Variants in NRG1 observed in about 807,000 individuals in gnomAD.
NRG1 encodes the protein neuregulin 1, also known as pro-neuregulin-1, membrane-bound isoform.
A neutral mutation model predicts 63.8 loss-of-function variants in NRG1; 18 were observed. The observed-to-expected ratio is 0.28, with a 90% CI of 0.19 to 0.42. The LOEUF (loss-of-function observed/expected upper bound fraction) is 0.42, where lower values mean the gene tolerates loss of function less well. Ranked by LOEUF, NRG1 falls within the 10% of genes least tolerant of loss-of-function variation. The pLI, the probability that NRG1 is intolerant of heterozygous loss-of-function variation, is 1.00. For missense variants in NRG1, 762 were observed against 814.7 expected (o/e 0.94, Z 0.79); for synonymous variants, 302 against 301.3 (o/e 1.00, Z -0.02).
At chr8:32,773,817 A>G (rs935124920) in intron 7 of NRG1, among the ~76,000 whole-genome samples, 2 of 152,042 alleles carry the variant, frequency 1.3e-5, no homozygotes, top group Admixed American at 6.6e-5. Flanking sequence ...GAGGCCCTTC[A>G]CAATCTGGCT....
At position 32,476,323 on chromosome 8, in the gene NRG1, A is replaced by G. The variant is rs113799204; in HGVS notation, c.38-119505A>G. On this transcript the variant is annotated intron_variant, in intron 1 of 10. Transcript: ENST00000519301. ...AGGGATGATTCATTCTTCAGGGGCT[A>G]TCCCTCGTGATCCTATTTCCTTGCA... is the stretch of plus-strand genomic sequence containing the variant. Among the ~76,000 whole-genome samples, 153 of 148,462 alleles carry G rather than the reference A, an allele frequency of 1.0e-3. 1 individual carries two copies. The highest frequency in any genetic ancestry group is 3.3e-3 in the Admixed American group (50 of 15,132).
chr8:32,398,207 TAAAAA>T (rs34669986), intron 1 of NRG1, among the ~76,000 whole-genome samples: 1 of 151,618 alleles, frequency 6.6e-6, no homozygotes, highest in Non-Finnish European at 1.5e-5. Flanking sequence ...CCAGCAAAAA[TAAAAA>T]AAGAAAAGTC....
intron 1 of NRG1, among the ~76,000 whole-genome samples, chr8:31,765,400 C>T (rs1212245322): frequency 2.0e-5 from 3 of 152,068 alleles, no homozygotes; most frequent in African/African-American, 7.2e-5. Context: ...GAAATGCTTG[C>T]CTTGTTTCTG....
At chr8:31,751,743 A>T (rs760816724) in intron 1 of NRG1, among the ~76,000 whole-genome samples, 9 of 151,846 alleles carry the variant, frequency 5.9e-5, no homozygotes, top group Non-Finnish European at 1.3e-4. Context: ...AGAGATAGAG[A>T]GTTTGGGGAC....
At chr8:31,884,888 A>G (rs1444558557) in intron 1 of NRG1, among the ~76,000 whole-genome samples, 1 of 152,188 alleles carries the variant, frequency 6.6e-6, no homozygotes, top group African/African-American at 2.4e-5. Flanking sequence ...TTGCTAAAAG[A>G]AAGGAAATAC....
chr8:32,649,675 C>G (rs1854569840), intron 5 of NRG1, among the ~76,000 whole-genome samples: 1 of 152,172 alleles, frequency 6.6e-6, no homozygotes, highest in South Asian at 2.1e-4. Context: ...AACTCCCGAT[C>G]ATTTCACGAA....
intron 1 of NRG1, among the ~76,000 whole-genome samples, chr8:32,433,136 G>A (rs896256577): frequency 1.3e-5 from 2 of 152,102 alleles, no homozygotes; most frequent in Non-Finnish European, 2.9e-5. Flanking sequence ...AATTCCAGTG[G>A]GCTGGGTAGG....
chr8:32,066,575 GT>G (rs549092447), intron 1 of NRG1, among the ~76,000 whole-genome samples: 1 of 152,166 alleles, frequency 6.6e-6, no homozygotes, highest in Non-Finnish European at 1.5e-5. Context: ...GTACCATGCT[GT>G]TTTGGTTACT....
chr8:32,523,636 G>T (rs566872703), intron 1 of NRG1, among the ~76,000 whole-genome samples: 56 of 152,138 alleles, frequency 3.7e-4, no homozygotes, highest in African/African-American at 1.2e-3. Context: ...GATTGCTTGA[G>T]GTCAGGAGTT....
chr8:32,759,552 C>T, intron 10 of NRG1, 116 bp downstream of exon 10: 1 of 1,284,922 alleles, frequency 7.8e-7, no homozygotes, highest in Non-Finnish European at 1.1e-6. Flanking sequence ...TGGGCAGCAA[C>T]AGATTTTGAA....
chr8:31,896,231 T>A (rs1411218555), intron 1 of NRG1, among the ~76,000 whole-genome samples: 2 of 152,162 alleles, frequency 1.3e-5, no homozygotes, highest in African/African-American at 4.8e-5. Flanking sequence ...TGATCAAACA[T>A]CTTTAGTAGC....
At chr8:31,745,268 G>A (rs118041916) in intron 1 of NRG1, among the ~76,000 whole-genome samples, 1,616 of 152,038 alleles carry the variant, frequency 0.011, 12 homozygotes, top group Non-Finnish European at 0.017. Flanking sequence ...CTTGTCCCCC[G>A]ACACAGGGAA....
chr8:32,477,298 A>G (rs1263445091), intron 1 of NRG1, among the ~76,000 whole-genome samples: 1 of 152,148 alleles, frequency 6.6e-6, no homozygotes, highest in Non-Finnish European at 1.5e-5. Flanking sequence ...AGTTCATCGT[A>G]TTCGCCTCTG....
intron 5 of NRG1, among the ~76,000 whole-genome samples, chr8:32,651,635 A>C (rs1209023586): frequency 6.6e-6 from 1 of 152,090 alleles, no homozygotes. Flanking sequence ...TCTTGGGCCA[A>C]CTTTGTTTTG....
chr8:32,742,047 TG>T lies in NRG1; in HGVS notation c.633-627del. On this transcript the variant is annotated intron_variant, in intron 6 of 11. Transcript: ENST00000356819. The surrounding 1 kb of genome is among the most constrained non-coding windows in gnomAD (Gnocchi z 4.2). ...TCACTGGAGCAAGATGTACTGAGAA[TG>T]TGCCCATGAAAGTCCAAAACCAAGA... 1.9e-6 allele frequency: 3 copies of T among 1,613,744 alleles called. No individual in the cohort carries two copies. Among genetic ancestry groups the T allele is most frequent in the Non-Finnish European group, 2.5e-6 (3 of 1,179,780 alleles).
intron 1 of NRG1, among the ~76,000 whole-genome samples, chr8:31,835,722 CA>C (rs1395350773): frequency 6.6e-6 from 1 of 152,126 alleles, no homozygotes; most frequent in East Asian, 1.9e-4. Context: ...TAAACATGTA[CA>C]AGGGAGAGGA....
Position 32,463,905 on chromosome 8 carries a change from T to G in NRG1, c.38-131923T>G, listed in dbSNP as rs1401117578. ...TTTTTTTTTTTTTTTTTTTTTTTTT[T>G]TTTTTTTTGGGGGAGGGTCTCATTC... On this transcript the variant is annotated intron_variant, in intron 1 of 10. Transcript: ENST00000519301. Among the ~76,000 whole-genome samples the G allele has an allele frequency of 1.6e-4, 13 of 79,284 alleles. 1 individual carries two copies. The highest frequency in any genetic ancestry group is 6.0e-4 in the African/African-American group (11 of 18,250). 52.0% of individuals were successfully genotyped at this position (79,284 alleles called of 152,430 possible). A position where few individuals can be genotyped will look rare whatever the true frequency, so the allele number is the denominator to read the frequency against.
intron 1 of NRG1, among the ~76,000 whole-genome samples, chr8:32,410,372 G>A (rs1300825294): frequency 6.6e-6 from 1 of 151,434 alleles, no homozygotes; most frequent in African/African-American, 2.4e-5. Flanking sequence ...GTAGAGACAG[G>A]GTCTCAGCAT....
intron 5 of NRG1, among the ~76,000 whole-genome samples, chr8:32,682,407 C>T (rs912285099): frequency 6.6e-6 from 1 of 152,122 alleles, no homozygotes; most frequent in African/African-American, 2.4e-5. Context: ...TATGTCATGA[C>T]TAAGAAGAGA....
Sources: allele counts gnomAD v4.1 joint callset (sites outside exome capture counted in the v4.1 genomes callset), GRCh38; gene constraint gnomAD v4.1.1; non-coding constraint Gnocchi (gnomAD v3.1); transcripts MANE v1.5; gene names NCBI Gene and HGNC (gene_info 2026-07-23, HGNC 2026-07-21).